RIMS1: variants seen among roughly 807,000 people sequenced by gnomAD.
RIMS1 encodes regulating synaptic membrane exocytosis protein 1.
Under a neutral mutation model 214.1 loss-of-function variants are expected in RIMS1, and 83 were observed. The ratio of observed to expected loss-of-function variants is 0.39; its 90% confidence interval spans 0.32 to 0.47. The LOEUF (loss-of-function observed/expected upper bound fraction) is 0.47, where lower values mean the gene tolerates loss of function less well. Ranked by LOEUF, RIMS1 falls within the 20% of genes least tolerant of loss-of-function variation. The pLI is 0.99. For synonymous variants in RIMS1, 793 were observed against 786.8 expected, an observed-to-expected ratio of 1.01 and a Z score of -0.13; for missense variants, 2,050 against 2,161.8, an observed-to-expected ratio of 0.95 and a Z score of 1.03.
chr6:72,166,683 T>C (rs2046309260), intron 4 of RIMS1, among the ~76,000 whole-genome samples: 1 of 150,550 alleles, frequency 6.6e-6, no homozygotes, highest in South Asian at 2.1e-4. Context: ...TGAGACCAGC[T>C]TAGGCAGCGT....
intron 2 of RIMS1, among the ~76,000 whole-genome samples, chr6:72,041,189 G>A (rs1006404479): frequency 1.3e-5 from 2 of 151,816 alleles, no homozygotes; most frequent in East Asian, 1.9e-4. Flanking sequence ...AGTTCTTTCT[G>A]TCTATCTGTC....
At chr6:72,042,691 C>T (rs1372579101) in intron 2 of RIMS1, among the ~76,000 whole-genome samples, 1 of 151,860 alleles carries the variant, frequency 6.6e-6, no homozygotes, top group Non-Finnish European at 1.5e-5. Context: ...TTGAGGTTAA[C>T]ATATTGTGCT....
intron 2 of RIMS1, among the ~76,000 whole-genome samples, chr6:71,988,564 G>A (rs1406296667): frequency 2.6e-5 from 4 of 152,068 alleles, no homozygotes; most frequent in South Asian, 2.1e-4. Flanking sequence ...GTGATAAATT[G>A]GAAAAACATG....
intron 2 of RIMS1, among the ~76,000 whole-genome samples, chr6:71,973,837 A>T (rs1372877318): frequency 6.6e-6 from 1 of 152,214 alleles, no homozygotes; most frequent in African/African-American, 2.4e-5. Flanking sequence ...GCTAGTGGAG[A>T]GCAAGAGAGA....
chr6:72,368,893 C>T (rs2098130609), intron 29 of RIMS1, among the ~76,000 whole-genome samples: 1 of 151,770 alleles, frequency 6.6e-6, no homozygotes, highest in South Asian at 2.1e-4. Context: ...TGTTTTGAGG[C>T]AATCTTAAAG....
At chr6:72,272,368 C>T (rs79557357) in intron 22 of RIMS1, among the ~76,000 whole-genome samples, 255 of 152,188 alleles carry the variant, frequency 1.7e-3, no homozygotes, top group Middle Eastern at 6.8e-3. Context: ...GACATCTTTT[C>T]TTAGGACAAA....
intron 4 of RIMS1, among the ~76,000 whole-genome samples, chr6:72,165,548 G>T (rs886321374): frequency 1.3e-5 from 2 of 151,786 alleles, no homozygotes; most frequent in Non-Finnish European, 2.9e-5. Flanking sequence ...TTTTCATGTG[G>T]TATTGCCTAT....
At chr6:72,364,691 G>A (rs1033390109) in intron 29 of RIMS1, among the ~76,000 whole-genome samples, 7 of 152,164 alleles carry the variant, frequency 4.6e-5, no homozygotes, top group African/African-American at 1.7e-4. Flanking sequence ...CGGGAAGCAC[G>A]AGTATTGATT....
intron 6 of RIMS1, among the ~76,000 whole-genome samples, chr6:72,228,024 AT>A (rs1418004920): frequency 1.3e-5 from 2 of 151,930 alleles, no homozygotes; most frequent in Non-Finnish European, 2.9e-5. Context: ...AACTGTGCAT[AT>A]TTATTGTATA....
At chr6:72,170,477 G>A (rs180719856) in intron 4 of RIMS1, among the ~76,000 whole-genome samples, 27 of 152,216 alleles carry the variant, frequency 1.8e-4, no homozygotes, top group African/African-American at 6.0e-4. Context: ...CTGAGTAGCT[G>A]GGATTACAGG....
chr6:72,082,556 G>A (rs1417603179), intron 2 of RIMS1, among the ~76,000 whole-genome samples: 3 of 152,130 alleles, frequency 2.0e-5, no homozygotes, highest in Admixed American at 6.6e-5. Context: ...TAGAACCACT[G>A]GGCTCTGCTC....
At chr6:72,251,546 T>C (rs2073325511) in intron 15 of RIMS1, among the ~76,000 whole-genome samples, 178 bp downstream of exon 15, 1 of 152,160 alleles carries the variant, frequency 6.6e-6, no homozygotes. Flanking sequence ...ATGAAAATAA[T>C]GTAGATAGCA....
At chr6:72,149,924 C>T (rs1009318940) in intron 4 of RIMS1, among the ~76,000 whole-genome samples, 3 of 152,192 alleles carry the variant, frequency 2.0e-5, no homozygotes, top group Admixed American at 2.0e-4. Flanking sequence ...TGTGGTTTGG[C>T]ATGACCTAGC....
chr6:72,126,399 A>G (rs1190697037), intron 4 of RIMS1, among the ~76,000 whole-genome samples: 1 of 152,186 alleles, frequency 6.6e-6, no homozygotes, highest in Non-Finnish European at 1.5e-5. Context: ...AGCAAATGCA[A>G]CAAAAACAGT....
chr6:71,985,283 C>G (rs535226304), intron 2 of RIMS1, among the ~76,000 whole-genome samples: 2 of 151,882 alleles, frequency 1.3e-5, no homozygotes, highest in Admixed American at 6.6e-5. Flanking sequence ...CCCAGCTACT[C>G]GGGAGGCTGC....
At chr6:72,045,155 A>G (rs1001357423) in intron 2 of RIMS1, among the ~76,000 whole-genome samples, 1 of 151,998 alleles carries the variant, frequency 6.6e-6, no homozygotes, top group Non-Finnish European at 1.5e-5. Context: ...AGCAAAAATG[A>G]TAAGGTCAGA....
intron 29 of RIMS1, among the ~76,000 whole-genome samples, chr6:72,381,653 C>G (rs188776360): frequency 6.6e-6 from 1 of 152,294 alleles, no homozygotes; most frequent in Non-Finnish European, 1.5e-5. Context: ...TTTATACTTT[C>G]AATAGCTCAG....
chr6:72,011,958 G>T (rs906094398), intron 2 of RIMS1, among the ~76,000 whole-genome samples: 38 of 152,158 alleles, frequency 2.5e-4, no homozygotes, highest in Non-Finnish European at 1.0e-4. Flanking sequence ...AATATCATTT[G>T]ACCCAGCCAT....
chr6:71,919,635 T>G (rs1779431116), intron 1 of RIMS1, among the ~76,000 whole-genome samples: 1 of 152,024 alleles, frequency 6.6e-6, no homozygotes, highest in Admixed American at 6.6e-5. Flanking sequence ...GTAAATAATG[T>G]CAGTGATGCA....
Sources: allele counts gnomAD v4.1 joint callset (sites outside exome capture counted in the v4.1 genomes callset), GRCh38; gene constraint gnomAD v4.1.1; transcripts MANE v1.5; gene names NCBI Gene and HGNC (gene_info 2026-07-23, HGNC 2026-07-21).